LOXL1: variants seen among roughly 807,000 people sequenced by gnomAD.
The protein encoded by LOXL1 is lysyl oxidase like 1.
In LOXL1, 31 loss-of-function variants were observed where a neutral mutation model predicts 62.2. The observed-to-expected ratio is 0.50, with a 90% CI of 0.37 to 0.67. LOXL1 has a LOEUF of 0.67. Among genes scored for constraint, LOXL1 ranks in the 30% least tolerant of loss-of-function variants. The probability of loss-of-function intolerance (pLI) is 0.00; values close to 1 mark genes in which losing one functional copy is unlikely to be tolerated. For missense variants in LOXL1, 775 were observed against 843.4 expected (o/e 0.92, Z 1.00); for synonymous variants, 403 against 384.4 (o/e 1.05, Z -0.56).
intron 6 of LOXL1, among the ~76,000 whole-genome samples, chr15:73,951,166 C>T (rs928316417): frequency 3.2e-4 from 48 of 152,232 alleles, no homozygotes; most frequent in African/African-American, 1.1e-3. Flanking sequence ...CCTCCTGCTG[C>T]TGGGAAAGGG....
chr15:73,937,781 C>CT (rs1193885641), intron 1 of LOXL1, among the ~76,000 whole-genome samples: 1 of 152,232 alleles, frequency 6.6e-6, no homozygotes, highest in Non-Finnish European at 1.5e-5. Flanking sequence ...CCTGGGTAGT[C>CT]TGAGCAAGCC....
chr15:73,947,213 C>A lies in LOXL1; in HGVS notation c.1496C>A (p.Ser499Tyr). Residue 499 changes from serine to tyrosine, a missense_variant, in exon 4 of 7, where the codon TCT becomes TAT. Coordinates refer to ENST00000261921, the MANE Select transcript of LOXL1 (RefSeq NM_005576.4). ...AACCTCAAGCGCTATGCATGCACCT[C>A]TCATACCCAGGTTGGGCTGGAGAGA... ...FGNLKRYACT[S>Y]HTQGLSPGCY... is the part of the protein sequence containing the mutation. 6.2e-7 allele frequency: 1 copy of A among 1,600,244 alleles called. No homozygotes were observed. The highest frequency in any genetic ancestry group is 8.6e-7 in the Non-Finnish European group (1 of 1,168,938).
chr15:73,927,421 G>T lies in LOXL1; in HGVS notation c.638G>T (p.Gly213Val). The T allele has an allele frequency of 6.6e-7, 1 of 1,508,616 alleles. No individual in the cohort carries two copies. The highest frequency in any genetic ancestry group is 8.8e-7 in the Non-Finnish European group (1 of 1,131,246). The allele number at this position is 1,508,616 out of a possible 1,614,324, so 93.5% of individuals were successfully genotyped here. The change falls in exon 1 of 7, where the codon GGC becomes GTC. Residue 213 changes from glycine to valine, a missense_variant. Physicochemically the swap from Gly to Val is moderately radical, Grantham distance 109. Coordinates refer to ENST00000261921, the MANE Select transcript of LOXL1 (RefSeq NM_005576.4). ...VYYRPAGGGV[G>V]AGAAAVASAG... ...TACCGGCCCGCGGGCGGCGGCGTGG[G>T]CGCGGGGGCGGCGGCCGTGGCCTCG...
In LOXL1 at chr15:73,927,086, C is replaced by G; in HGVS notation, c.303C>G (p.Pro101=). 4 of 1,304,488 alleles carry G rather than the reference C, an allele frequency of 3.1e-6. No individual in the cohort carries two copies. The highest frequency in any genetic ancestry group is 3.9e-6 in the Non-Finnish European group (4 of 1,022,060). 80.8% of individuals were successfully genotyped at this position (1,304,488 alleles called of 1,614,324 possible). ...GGCGTCGGCAGGCGCCGTCCCTGCC[C>G]CTGCCGGGGCGCGTGGGCTCGGACA... The part of the protein sequence containing the change: ...SPRRRQAPSL[P]LPGRVGSDTV... The change falls in exon 1 of 7, where the codon CCC becomes CCG. Residue 101 remains proline (P), a synonymous_variant. Coordinates refer to ENST00000261921, the MANE Select transcript of LOXL1 (RefSeq NM_005576.4).
chr15:73,927,083 G>A lies in LOXL1; in HGVS notation c.300G>A (p.Leu100=). 8 of 1,306,988 alleles carry A rather than the reference G, an allele frequency of 6.1e-6. No homozygotes were observed. Among genetic ancestry groups the A allele is most frequent in the Non-Finnish European group, 7.8e-6 (8 of 1,023,484 alleles). 81.0% of individuals were successfully genotyped at this position (1,306,988 alleles called of 1,614,324 possible). A position where few individuals can be genotyped will look rare whatever the true frequency, so the allele number is the denominator to read the frequency against. ...GSPRRRQAPS[L]PLPGRVGSDT... is the part of the protein sequence containing the mutation. ...CCCGGCGTCGGCAGGCGCCGTCCCT[G>A]CCCCTGCCGGGGCGCGTGGGCTCGG... The change falls in exon 1 of 7, where the codon CTG becomes CTA. Residue 100 remains leucine, a synonymous_variant. Coordinates refer to ENST00000261921, the MANE Select transcript of LOXL1 (RefSeq NM_005576.4).
chr15:73,929,548 A>T (rs2068621356), intron 1 of LOXL1, among the ~76,000 whole-genome samples: 1 of 152,136 alleles, frequency 6.6e-6, no homozygotes, highest in Non-Finnish European at 1.5e-5. Flanking sequence ...GTCGCTTTTG[A>T]GTTGTGTGCT....
At chr15:73,933,087 G>A (rs1595844398) in intron 1 of LOXL1, among the ~76,000 whole-genome samples, 2 of 152,214 alleles carry the variant, frequency 1.3e-5, no homozygotes, top group South Asian at 4.1e-4. Flanking sequence ...AGAAGAGACA[G>A]CTCCTGTTTT....
intron 1 of LOXL1, among the ~76,000 whole-genome samples, chr15:73,932,877 G>A (rs964492964): frequency 5.9e-5 from 9 of 152,114 alleles, no homozygotes; most frequent in Admixed American, 3.3e-4. Context: ...AAGCTGTGTC[G>A]GATCAGACAA....
chr15:73,949,672 C>T, intron 6 of LOXL1, 98 bp downstream of exon 6: 2 of 809,148 alleles, frequency 2.5e-6, no homozygotes, highest in Non-Finnish European at 4.3e-6. Context: ...CACTTTAGGT[C>T]ACCTTGATGG....
At chr15:73,951,272 C>G (rs753730409) in intron 6 of LOXL1, among the ~76,000 whole-genome samples, 8 of 152,228 alleles carry the variant, frequency 5.3e-5, no homozygotes, top group Non-Finnish European at 8.8e-5. Context: ...GCGCGGCCCT[C>G]CCAGCTCCCC....
intron 1 of LOXL1, among the ~76,000 whole-genome samples, chr15:73,931,166 G>C (rs572296084): frequency 1.3e-5 from 1 of 78,988 alleles, no homozygotes; most frequent in Non-Finnish European, 3.2e-5. Context: ...CTGACTCACC[G>C]GCTCTGGCAA....
Position 73,928,173 on chromosome 15 carries a change from G to A in LOXL1, c.1102+288G>A, listed in dbSNP as rs189207294. 2.1e-4 allele frequency: 75 copies of A among 362,752 alleles called. No individual in the cohort carries two copies. In the Middle Eastern group the frequency reaches 2.8e-3, roughly 14 times the overall value. The allele number at this position is 362,752 out of a possible 1,614,324, so 22.5% of individuals were successfully genotyped here. A position where few individuals can be genotyped will look rare whatever the true frequency, so the allele number is the denominator to read the frequency against. On this transcript the variant is annotated intron_variant, in intron 1 of 6. Coordinates refer to ENST00000261921, the MANE Select transcript of LOXL1 (RefSeq NM_005576.4). ...GGGACTAGCCGAGCTTTGGGAGGAG[G>A]CTCGCCTTCTGCACTTGGCTTGGGT...
At chr15:73,939,871 T>A (rs921321717) in intron 1 of LOXL1, among the ~76,000 whole-genome samples, 1 of 152,176 alleles carries the variant, frequency 6.6e-6, no homozygotes, top group African/African-American at 2.4e-5. Flanking sequence ...TGCAGATTTA[T>A]GGGCCTGAGC....
intron 1 of LOXL1, among the ~76,000 whole-genome samples, chr15:73,938,837 C>T (rs1207585128): frequency 2.6e-5 from 4 of 152,118 alleles, no homozygotes; most frequent in African/African-American, 2.4e-5. Flanking sequence ...GCCATGTTCA[C>T]GCCACTGCAT....
chr15:73,941,352 C>T (rs2068712158), intron 1 of LOXL1, among the ~76,000 whole-genome samples: 1 of 152,166 alleles, frequency 6.6e-6, no homozygotes, highest in Non-Finnish European at 1.5e-5. Context: ...GGCCCAGGCC[C>T]CAGGGAGAGC....
chr15:73,940,693 G>T (rs555372602), intron 1 of LOXL1, among the ~76,000 whole-genome samples: 3 of 152,236 alleles, frequency 2.0e-5, no homozygotes, highest in East Asian at 3.9e-4. Flanking sequence ...CAAGGTCAGC[G>T]CTTAATGTGA....
At chr15:73,950,020 A>G (rs955301150) in intron 6 of LOXL1, among the ~76,000 whole-genome samples, 1 of 152,222 alleles carries the variant, frequency 6.6e-6, no homozygotes. Flanking sequence ...AGTGAACAGC[A>G]GCTGTGATCA....
In LOXL1 at chr15:73,930,475, C is replaced by A. The variant is rs1384351577; in HGVS notation, c.1102+2590C>A. On this transcript the variant is annotated intron_variant, in intron 1 of 6. Transcript: ENST00000261921. The surrounding 1 kb of genome is among the most constrained non-coding windows in gnomAD (Gnocchi z 4.7). ...CCCTCCCCACCCTGCTAGGCCAGAC[C>A]GTGGAAAATCCCAGCCCAGGGAAGG... 6.6e-6 allele frequency among the ~76,000 whole-genome samples: 1 copy of A among 152,146 alleles called. No individual in the cohort carries two copies. The highest frequency in any genetic ancestry group is 1.5e-5 in the Non-Finnish European group (1 of 68,012).
chr15:73,941,408 G>A (rs2068712542), intron 1 of LOXL1, among the ~76,000 whole-genome samples: 1 of 152,204 alleles, frequency 6.6e-6, no homozygotes, highest in East Asian at 1.9e-4. Context: ...TGGGGGATAT[G>A]CTGGCAGACA....
Sources: allele counts gnomAD v4.1 joint callset (sites outside exome capture counted in the v4.1 genomes callset), GRCh38; gene constraint gnomAD v4.1.1; non-coding constraint Gnocchi (gnomAD v3.1); transcripts MANE v1.5; gene names NCBI Gene and HGNC (gene_info 2026-07-23, HGNC 2026-07-21).